TDRD9: variants seen among roughly 807,000 people sequenced by gnomAD.
The protein encoded by TDRD9 is tudor domain containing 9, also known as ATP-dependent RNA helicase TDRD9.
In TDRD9, 124 loss-of-function variants were observed where a neutral mutation model predicts 172.6. The ratio of observed to expected loss-of-function variants is 0.72; its 90% CI spans 0.62 to 0.83. TDRD9 has a LOEUF of 0.83. TDRD9 is among the 40% of genes least tolerant of loss of function. TDRD9 has a pLI of 0.00. For missense variants in TDRD9, 1,479 were observed against 1,714.1 expected (o/e 0.86, Z 2.42); for synonymous variants, 619 against 617.1 (o/e 1.00, Z -0.05).
At chr14:104,004,805 G>A (rs756403281) in intron 14 of TDRD9, among the ~76,000 whole-genome samples, 6 of 152,206 alleles carry the variant, frequency 3.9e-5, no homozygotes, top group African/African-American at 1.2e-4. Context: ...TGTCTAGGGC[G>A]TTACCCACAT....
chr14:104,040,905 T>C (rs1242339190), intron 33 of TDRD9, among the ~76,000 whole-genome samples: 2 of 152,254 alleles, frequency 1.3e-5, no homozygotes, highest in Non-Finnish European at 2.9e-5. Flanking sequence ...ATAATAGAAA[T>C]GTGGGCTCGT....
intron 1 of TDRD9, chr14:103,940,638 C>A: frequency 3.9e-6 from 2 of 517,328 alleles, no homozygotes; most frequent in Non-Finnish European, 6.8e-6. Context: ...TCAATGAAAA[C>A]ATAGCATGTT....
chr14:104,020,605 G>A (rs192415293), intron 23 of TDRD9, among the ~76,000 whole-genome samples: 15 of 152,332 alleles, frequency 9.8e-5, no homozygotes, highest in African/African-American at 3.4e-4. Context: ...TATGAGTGAA[G>A]AGGATGGGGC....
At chr14:103,969,128 CA>C (rs373398512) in intron 5 of TDRD9, among the ~76,000 whole-genome samples, 3 of 147,000 alleles carry the variant, frequency 2.0e-5, no homozygotes, top group Non-Finnish European at 4.5e-5. Context: ...AAAAACCCCC[CA>C]AAAAAAACTA....
intron 2 of TDRD9, among the ~76,000 whole-genome samples, chr14:103,956,112 ATATATATAT>A (rs1181624185): frequency 5.2e-4 from 8 of 15,266 alleles, no homozygotes; most frequent in South Asian, 3.5e-3. Flanking sequence ...AAAAAAAAAA[ATATATATAT>A]ATATATATAT....
chr14:104,020,632 G>A (rs543078042), intron 23 of TDRD9, among the ~76,000 whole-genome samples: 1 of 152,296 alleles, frequency 6.6e-6, no homozygotes, highest in East Asian at 1.9e-4. Flanking sequence ...GAGAGCGGAG[G>A]AGGCGGAGCG....
At chr14:104,036,648 A>G (rs1026726626) in intron 32 of TDRD9, among the ~76,000 whole-genome samples, 2 of 152,200 alleles carry the variant, frequency 1.3e-5, no homozygotes, top group African/African-American at 4.8e-5. Flanking sequence ...ACAACTCCAG[A>G]GTGCAAGCGT....
At chr14:103,947,072 A>G (rs2031598844) in intron 1 of TDRD9, among the ~76,000 whole-genome samples, 1 of 152,192 alleles carries the variant, frequency 6.6e-6, no homozygotes. Context: ...GGAACCCTGA[A>G]TAGTCAAAAC....
intron 2 of TDRD9, among the ~76,000 whole-genome samples, chr14:103,961,845 A>AAG (rs1299064786): frequency 2.6e-5 from 4 of 152,108 alleles, no homozygotes; most frequent in Non-Finnish European, 4.4e-5. Context: ...GTAGGAAAAC[A>AAG]AGAGAGAAGC....
rs2032970145 is a variant in TDRD9 at position 103,970,464 on chromosome 14, A to C, written c.766-77A>C. On this transcript the variant is annotated intron_variant, in intron 5 of 35. Transcript: ENST00000409874. ...GAACTGGTTTAGTCCCCAGTCCCCC[A>C]GTGGTGCCTTTCTGTCAGCAGTGTC... The C allele has an allele frequency of 3.0e-6, 3 of 1,013,618 alleles. No individual in the cohort carries two copies. The South Asian group carries it at 4.2e-5, about 14-fold the overall frequency. 62.8% of individuals were successfully genotyped at this position (1,013,618 alleles called of 1,614,324 possible).
chr14:103,938,530 C>T (rs995700659), intron 1 of TDRD9, among the ~76,000 whole-genome samples: 4 of 148,790 alleles, frequency 2.7e-5, no homozygotes, highest in Non-Finnish European at 4.4e-5. Context: ...CCTCTGCCTC[C>T]CGGGTTCATG....
chr14:103,998,136 C>T (rs569341888), intron 12 of TDRD9, among the ~76,000 whole-genome samples: 49 of 151,942 alleles, frequency 3.2e-4, no homozygotes, highest in South Asian at 8.3e-4. Context: ...GCTTATCCAG[C>T]CAGGCACACC....
chr14:104,000,042 C>T (rs2034207347), intron 13 of TDRD9, among the ~76,000 whole-genome samples: 1 of 152,040 alleles, frequency 6.6e-6, no homozygotes, highest in Admixed American at 6.6e-5. Context: ...AATAGGGTCA[C>T]AGAGGCCAGG....
At chr14:103,953,570 A>G (rs2152129439) in intron 1 of TDRD9, among the ~76,000 whole-genome samples, 1 of 152,310 alleles carries the variant, frequency 6.6e-6, no homozygotes, top group Non-Finnish European at 1.5e-5. Flanking sequence ...ACGTCTCACT[A>G]TATACCTTCT....
rs1461115761 is a variant in TDRD9 at position 103,956,101 on chromosome 14, AAAAAAAAAAAATATATATATAT to A, written c.322+333_322+354del. Among the ~76,000 whole-genome samples, 20 of 54,216 alleles carry A rather than the reference AAAAAAAAAAAATATATATATAT, an allele frequency of 3.7e-4. No individual in the cohort carries two copies. The East Asian group carries it at 5.4e-3, about 15-fold the overall frequency. 35.6% of individuals were successfully genotyped at this position (54,216 alleles called of 152,430 possible). A position where few individuals can be genotyped will look rare whatever the true frequency, so the allele number is the denominator to read the frequency against. On this transcript the variant is annotated intron_variant, in intron 2 of 35. Coordinates refer to ENST00000409874, the MANE Select transcript of TDRD9 (RefSeq NM_153046.3). ...CTTTAAAAAAAAAAAAAAAAAAAAA[AAAAAAAAAAAATATATATATAT>A]ATATATATATATATATATATATATA...
intron 31 of TDRD9, among the ~76,000 whole-genome samples, chr14:104,034,314 C>A (rs2035382911): frequency 1.3e-5 from 2 of 151,338 alleles, no homozygotes; most frequent in Admixed American, 1.3e-4. Flanking sequence ...CCTCAGCCTC[C>A]CGAGTAGCTG....
At chr14:103,971,792 A>G (rs1030951852) in intron 6 of TDRD9, among the ~76,000 whole-genome samples, 1 of 151,900 alleles carries the variant, frequency 6.6e-6, no homozygotes, top group African/African-American at 2.4e-5. Flanking sequence ...AAAATGGTCT[A>G]GTTGACTATA....
rs1175874010 is a variant in TDRD9, at chr14:103,980,075, T to C, written c.1011+4522T>C. Among the ~76,000 whole-genome samples the C allele has an allele frequency of 6.6e-6, 1 of 152,068 alleles. No individual in the cohort carries two copies. The highest frequency in any genetic ancestry group is 1.5e-5 in the Non-Finnish European group (1 of 68,000). Reference sequence around the variant, plus strand: ...AAATTTTTTTGTGGAGATAGGGTCTTGCTATGTTGTCCAGGCTGATCTTGA... The same window carrying C: ...AAATTTTTTTGTGGAGATAGGGTCTCGCTATGTTGTCCAGGCTGATCTTGA... On this transcript the variant is annotated intron_variant, in intron 7 of 35. Transcript: ENST00000409874. The surrounding 1 kb of genome is among the most constrained non-coding windows in gnomAD (Gnocchi z 4.5).
intron 1 of TDRD9, among the ~76,000 whole-genome samples, chr14:103,955,327 C>T (rs1016238858): frequency 6.6e-6 from 1 of 152,084 alleles, no homozygotes; most frequent in Admixed American, 6.6e-5. Flanking sequence ...GATCACAGCA[C>T]TGTACTCTAG....
Sources: gnomAD v4.1 joint callset for allele counts (sites outside exome capture counted in the v4.1 genomes callset) on GRCh38, gnomAD v4.1.1 for gene constraint, Gnocchi (gnomAD v3.1) non-coding constraint, MANE v1.5 for transcripts, NCBI Gene and HGNC (gene_info 2026-07-23, HGNC 2026-07-21) for gene names.